PCDHA6: variants seen among roughly 807,000 people sequenced by gnomAD.
The protein encoded by PCDHA6 is protocadherin alpha 6.
A neutral mutation model predicts 60.3 loss-of-function variants in PCDHA6; 55 were observed. The ratio of observed to expected loss-of-function variants is 0.91; its 90% CI spans 0.73 to 1.14. PCDHA6 has a LOEUF of 1.14. Ranked by LOEUF, PCDHA6 falls within the 50% of genes most tolerant of loss-of-function variation. PCDHA6 has a pLI of 0.00. For missense variants in PCDHA6, 1,327 were observed against 1,256.5 expected (o/e 1.06, Z -0.85); for synonymous variants, 652 against 557.9 (o/e 1.17, Z -2.38).
chr5:140,852,444 A>G (rs1327164540), intron 1 of PCDHA6: 1 of 183,986 alleles, frequency 5.4e-6, no homozygotes, highest in Non-Finnish European at 1.1e-5. Context: ...CGCCCAGCTA[A>G]TTTTTGTATT....
chr5:140,858,839 C>G (rs1306924023), intron 1 of PCDHA6: 1 of 317,040 alleles, frequency 3.2e-6, no homozygotes, highest in Non-Finnish European at 5.9e-6. Context: ...CCAAAAAATT[C>G]CACTGATCTA....
intron 1 of PCDHA6, chr5:140,857,399 G>T (rs375062704): frequency 6.3e-7 from 1 of 1,598,510 alleles, no homozygotes; most frequent in Non-Finnish European, 8.6e-7. Context: ...GAACGACAAC[G>T]CGCCTGCGTT....
rs2150172454 is a variant in PCDHA6 at position 140,829,681 on chromosome 5, G to C, written c.1590G>C (p.Leu530=). The change falls in exon 1 of 4, where the codon CTG becomes CTC. Residue 530 remains leucine, a synonymous_variant. Coordinates refer to ENST00000529310, the MANE Select transcript of PCDHA6 (RefSeq NM_018909.4). ...LQPLDHEELE[L]LQFQVSARDA... is the part of the protein sequence containing the mutation. ...CGCTGGACCACGAGGAGCTAGAGCT[G>C]CTGCAGTTTCAGGTGAGCGCGCGCG... 1 of 1,613,236 alleles carries C rather than the reference G, an allele frequency of 6.2e-7. No homozygotes were observed. The highest frequency in any genetic ancestry group is 8.5e-7 in the Non-Finnish European group (1 of 1,179,860).
At position 140,870,217 on chromosome 5, in the gene PCDHA6, A is replaced by G. The variant is rs911086777; in HGVS notation, c.2394+39732A>G. On this transcript the variant is annotated intron_variant, in intron 1 of 3. Coordinates refer to ENST00000529310, the MANE Select transcript of PCDHA6 (RefSeq NM_018909.4). ...GCCCAGCACGGTCATTGCCCTGATC[A>G]GCGTGTCTGACCGTGACTCAGGTGT... The G allele has an allele frequency of 5.6e-6, 9 of 1,614,144 alleles. No individual in the cohort carries two copies. The highest frequency in any genetic ancestry group is 3.3e-5 in the Admixed American group (2 of 60,034).
intron 1 of PCDHA6, among the ~76,000 whole-genome samples, chr5:140,963,057 A>G (rs1004095673): frequency 1.3e-5 from 2 of 152,186 alleles, no homozygotes; most frequent in African/African-American, 4.8e-5. Context: ...AAGGGTTTCT[A>G]CATTGTGAAG....
intron 1 of PCDHA6, among the ~76,000 whole-genome samples, chr5:140,911,819 A>C (rs2075652599): frequency 6.6e-6 from 1 of 152,164 alleles, no homozygotes; most frequent in Admixed American, 6.6e-5. Context: ...CTTCTCCAGA[A>C]ACCCCAAAAC....
At chr5:140,933,848 C>T (rs1176922942) in intron 1 of PCDHA6, among the ~76,000 whole-genome samples, 6 of 151,862 alleles carry the variant, frequency 4.0e-5, no homozygotes, top group African/African-American at 1.5e-4. Context: ...ATTCCTGTAC[C>T]TTTAATTTTT....
At chr5:140,967,022 A>G (rs2096084806) in intron 1 of PCDHA6, 1 of 1,608,014 alleles carries the variant, frequency 6.2e-7, no homozygotes, top group Middle Eastern at 1.7e-4. Context: ...GGGTGCGCCC[A>G]GTCCGCGCTA....
At chr5:141,003,467 A>G (rs1262411574) in intron 3 of PCDHA6, among the ~76,000 whole-genome samples, 1 of 152,036 alleles carries the variant, frequency 6.6e-6, no homozygotes, top group Non-Finnish European at 1.5e-5. Context: ...GTGCACCACC[A>G]CAGTCTCGCT....
chr5:140,877,266 C>T, intron 1 of PCDHA6: 1 of 1,613,808 alleles, frequency 6.2e-7, no homozygotes, highest in Non-Finnish European at 8.5e-7. Flanking sequence ...GCGCGGTGGA[C>T]GCTGACTCCG....
rs760426957 is a variant in PCDHA6, at chr5:141,009,783, G to A, written c.2699G>A (p.Arg900Gln). 2.5e-6 allele frequency: 4 copies of A among 1,613,880 alleles called. No individual in the cohort carries two copies. Among genetic ancestry groups the A allele is most frequent in the Admixed American group, 3.3e-5 (2 of 59,976 alleles). Reference protein sequence around the residue: ...IPGSPAIISIRQEPTNSQIDK... With the variant: ...IPGSPAIISIQQEPTNSQIDK... ...GGATCTCCTGCAATCATCTCCATCC[G>A]GCAGGAGCCTACTAACAGCCAAATT... is the stretch of plus-strand genomic sequence containing the variant. Residue 900 changes from arginine (R) to glutamine (Q), a missense_variant, in exon 4 of 4, where the codon CGG becomes CAG. Transcript: ENST00000529310.
chr5:140,919,601 A>G (rs1465882979), intron 1 of PCDHA6, among the ~76,000 whole-genome samples: 1 of 152,178 alleles, frequency 6.6e-6, no homozygotes, highest in Non-Finnish European at 1.5e-5. Context: ...TTTAAAATAA[A>G]TTTTAAACTG....
chr5:140,892,417 G>A lies in PCDHA6; in HGVS notation c.2394+61932G>A, dbSNP rs78605430. 5.2e-3 allele frequency among the ~76,000 whole-genome samples: 785 copies of A among 152,216 alleles called. 8 individuals are homozygous for A. Among genetic ancestry groups the A allele is most frequent in the Non-Finnish European group, 8.7e-3 (594 of 68,002 alleles). ...TCTATTTCAAGCTTCAGGTATTCTA[G>A]ATAAAACCTCATTATCTAAAATTTA... On this transcript the variant is annotated intron_variant, in intron 1 of 3. Transcript: ENST00000529310.
chr5:140,880,920 A>G (rs1189539222), intron 1 of PCDHA6, among the ~76,000 whole-genome samples: 1 of 152,228 alleles, frequency 6.6e-6, no homozygotes, highest in Non-Finnish European at 1.5e-5. Flanking sequence ...GAGAAATACT[A>G]TGTTAGTAAA....
Position 140,829,564 on chromosome 5 carries a change from C to T in PCDHA6, c.1473C>T (p.Ser491=), listed in dbSNP as rs2150170116. ...ACGCGCAGGAGAACGCGCTGGTGTC[C>T]TACTCGCTGGTGGAGCGGCGGGTGG... ...DADAQENALV[S]YSLVERRVGE... is the part of the protein sequence containing the mutation. The change falls in exon 1 of 4, where the codon TCC becomes TCT. Residue 491 remains serine (S), a synonymous_variant. Transcript: ENST00000529310. 2.4e-5 allele frequency: 39 copies of T among 1,612,548 alleles called. No individual in the cohort carries two copies. Among genetic ancestry groups the T allele is most frequent in the Non-Finnish European group, 8.5e-6 (10 of 1,179,828 alleles).
chr5:140,972,295 G>A (rs551210883), intron 1 of PCDHA6, among the ~76,000 whole-genome samples: 2 of 151,388 alleles, frequency 1.3e-5, no homozygotes, highest in South Asian at 2.1e-4. Context: ...GTGCGCCACC[G>A]TGTCTGACTA....
At chr5:140,946,631 T>TATATATACAC (rs57893927) in intron 1 of PCDHA6, among the ~76,000 whole-genome samples, 11,667 of 131,732 alleles carry the variant, frequency 0.089, 743 homozygotes, top group Middle Eastern at 0.14. Context: ...TATATATATA[T>TATATATACAC]ACAATGGAAT....
intron 1 of PCDHA6, among the ~76,000 whole-genome samples, chr5:140,912,002 A>T (rs1452427916): frequency 6.6e-6 from 1 of 152,236 alleles, no homozygotes; most frequent in Non-Finnish European, 1.5e-5. Flanking sequence ...ACAATAGGCC[A>T]TCTGCAAGCT....
chr5:141,005,049 T>C (rs1248594838), intron 3 of PCDHA6, among the ~76,000 whole-genome samples: 6 of 152,264 alleles, frequency 3.9e-5, no homozygotes, highest in African/African-American at 1.4e-4. Context: ...TACCATTTAC[T>C]GAATTCTTGC....
Sources: gnomAD v4.1 joint callset for allele counts (sites outside exome capture counted in the v4.1 genomes callset) on GRCh38, gnomAD v4.1.1 for gene constraint, MANE v1.5 for transcripts, NCBI Gene and HGNC (gene_info 2026-07-23, HGNC 2026-07-21) for gene names.